Variants in TG observed in about 807,000 individuals in gnomAD.
The protein encoded by TG is thyroglobulin, also known as thyroid hormones.
A neutral mutation model predicts 324.7 loss-of-function variants in TG; 270 were observed. The observed-to-expected ratio is 0.83, with a 90% CI of 0.75 to 0.92. The LOEUF (loss-of-function observed/expected upper bound fraction) is 0.92. Among genes scored for constraint, TG ranks in the 40% least tolerant of loss-of-function variants. The pLI, the probability that TG is intolerant of heterozygous loss-of-function variation, is 0.00. For synonymous variants in TG, 1,401 were observed against 1,327.0 expected, an observed-to-expected ratio of 1.06 and a Z score of -1.21; for missense variants, 3,591 against 3,456.4, an observed-to-expected ratio of 1.04 and a Z score of -0.98.
At chr8:132,941,783 G>A (rs902485868) in intron 26 of TG, among the ~76,000 whole-genome samples, 11 of 152,194 alleles carry the variant, frequency 7.2e-5, no homozygotes, top group East Asian at 1.9e-4. Context: ...CTGTCTTTAC[G>A]GGGCATATTG....
At chr8:132,896,491 T>C (rs1301695206) in intron 11 of TG, among the ~76,000 whole-genome samples, 13 of 152,146 alleles carry the variant, frequency 8.5e-5, no homozygotes, top group Admixed American at 8.5e-4. Context: ...CTGCCACAGA[T>C]ATTCCCGTTC....
intron 10 of TG, among the ~76,000 whole-genome samples, chr8:132,893,273 G>A (rs565250995): frequency 5.3e-4 from 57 of 108,280 alleles, no homozygotes; most frequent in African/African-American, 1.7e-3. Flanking sequence ...TGGTGTCTGC[G>A]GGGGTGGTGT....
At chr8:133,112,109 TGTGCCC>T (rs1423881217) in intron 43 of TG, among the ~76,000 whole-genome samples, 13 of 1,020 alleles carry the variant, frequency 0.013, no homozygotes, top group Non-Finnish European at 0.025. Flanking sequence ...CAGGAGTGGC[TGTGCCC>T]ACCCAGGAGT....
At chr8:133,042,083 G>T (rs888848087) in intron 41 of TG, among the ~76,000 whole-genome samples, 1 of 151,898 alleles carries the variant, frequency 6.6e-6, no homozygotes, top group African/African-American at 2.4e-5. Context: ...CACCACACCC[G>T]GCTGTCAGTG....
chr8:133,037,936 G>T (rs1463704099), intron 41 of TG: 1 of 153,336 alleles, frequency 6.5e-6, no homozygotes, highest in Non-Finnish European at 1.5e-5. Flanking sequence ...CAGACCAAAG[G>T]TATCTCCCAA....
At chr8:133,071,627 G>A (rs531952274) in intron 41 of TG, among the ~76,000 whole-genome samples, 98 of 152,158 alleles carry the variant, frequency 6.4e-4, no homozygotes, top group Non-Finnish European at 1.2e-3. Context: ...TGACTTGGAT[G>A]GCATGCAGCG....
intron 41 of TG, 53 bp downstream of exon 41, chr8:133,030,076 G>C (rs768096596): frequency 6.2e-7 from 1 of 1,609,174 alleles, no homozygotes; most frequent in African/African-American, 1.3e-5. Context: ...GCTGGGGGAG[G>C]TGGTTCTCCT....
intron 5 of TG, among the ~76,000 whole-genome samples, chr8:132,874,238 A>G (rs984115823): frequency 9.9e-5 from 15 of 152,180 alleles, no homozygotes; most frequent in African/African-American, 3.6e-4. Flanking sequence ...AGAGGAAAAA[A>G]GGCAGCACTC....
rs1464598087 is a variant in TG, at chr8:133,048,942, A to C, written c.7239+18919A>C. Reference sequence around the variant, plus strand: ...ATGTGGCATGTAGAGTCCTCTGGACATGAAGAAGTAACTTAGTGTTTATCA... The same window carrying C: ...ATGTGGCATGTAGAGTCCTCTGGACCTGAAGAAGTAACTTAGTGTTTATCA... On this transcript the variant is annotated intron_variant, in intron 41 of 47. Transcript: ENST00000220616. The C allele has an allele frequency of 1.6e-5, 5 of 316,572 alleles. No homozygotes were observed. In the East Asian group the frequency reaches 3.9e-4, roughly 25 times the overall value. 19.6% of individuals were successfully genotyped at this position (316,572 alleles called of 1,614,324 possible).
At chr8:133,101,169 C>T (rs2979022) in intron 43 of TG, among the ~76,000 whole-genome samples, 47,835 of 151,868 alleles carry the variant, frequency 0.31, 8,174 homozygotes, top group African/African-American at 0.44. Flanking sequence ...ACCTTACCCC[C>T]ACCATACGCA....
intron 43 of TG, among the ~76,000 whole-genome samples, chr8:133,098,864 G>A (rs1022841359): frequency 2.6e-5 from 4 of 152,164 alleles, no homozygotes; most frequent in East Asian, 1.9e-4. Flanking sequence ...ATGACTGTGG[G>A]CTCATGGCTG....
chr8:132,900,407 G>GCTCT (rs2132280248), intron 15 of TG, 68 bp downstream of exon 15: 1 of 1,460,152 alleles, frequency 6.8e-7, no homozygotes, highest in African/African-American at 1.4e-5. Context: ...GGAGTCCAAA[G>GCTCT]AGCTGGCTTC....
chr8:132,922,818 T>A (rs773552259), intron 21 of TG, among the ~76,000 whole-genome samples: 8 of 152,072 alleles, frequency 5.3e-5, no homozygotes, highest in Non-Finnish European at 1.0e-4. Flanking sequence ...CATTCATGAG[T>A]GTTCCACTCT....
intron 35 of TG, among the ~76,000 whole-genome samples, chr8:132,987,068 A>G (rs182890484): frequency 6.6e-6 from 1 of 152,306 alleles, no homozygotes; most frequent in East Asian, 1.9e-4. Context: ...AAAAGAAAAA[A>G]AAAAAGATGG....
chr8:133,095,310 A>C, intron 42 of TG, 102 bp downstream of exon 42: 1 of 1,523,952 alleles, frequency 6.6e-7, no homozygotes, highest in Non-Finnish European at 9.1e-7. Context: ...GCCATACCAC[A>C]CATGAGGCTG....
At chr8:132,936,416 C>T (rs1015116855) in intron 25 of TG, among the ~76,000 whole-genome samples, 3 of 152,206 alleles carry the variant, frequency 2.0e-5, no homozygotes, top group African/African-American at 7.2e-5. Context: ...AAGGTGCAAA[C>T]CTGAGTTAGT....
At position 133,118,474 on chromosome 8, in the gene TG, G is replaced by A. The variant is rs567890608; in HGVS notation, c.7862+1758G>A. Among the ~76,000 whole-genome samples the A allele has an allele frequency of 4.6e-5, 7 of 152,048 alleles. No homozygotes were observed. The South Asian group carries it at 6.3e-4, about 14-fold the overall frequency. On this transcript the variant is annotated intron_variant, in intron 45 of 47. Coordinates refer to ENST00000220616, the MANE Select transcript of TG (RefSeq NM_003235.5). ...CCAGTAGCTGGAATTACAGGCATGC[G>A]CCATGATTCCCAGCTAATTTTCGTA...
At chr8:132,950,901 A>G (rs1196111984) in intron 27 of TG, among the ~76,000 whole-genome samples, 1 of 152,222 alleles carries the variant, frequency 6.6e-6, no homozygotes, top group Non-Finnish European at 1.5e-5. Context: ...CAAGTCCTCA[A>G]CACAGTGCTT....
chr8:132,962,888 T>C, intron 28 of TG, 106 bp from the exon 29 acceptor site: 1 of 1,013,468 alleles, frequency 9.9e-7, no homozygotes, highest in South Asian at 1.3e-5. Flanking sequence ...CTAAGTCACC[T>C]GGCTTTAGGG....
Sources: gnomAD v4.1 joint callset for allele counts (sites outside exome capture counted in the v4.1 genomes callset) on GRCh38, gnomAD v4.1.1 for gene constraint, MANE v1.5 for transcripts, NCBI Gene and HGNC (gene_info 2026-07-23, HGNC 2026-07-21) for gene names.